The following NPHP4 variants were observed in gnomAD, a reference collection of about 807,000 sequenced individuals.
The protein encoded by NPHP4 is nephrocystin-4.
In NPHP4, 151 loss-of-function variants were observed where a neutral mutation model predicts 155.8. The observed-to-expected ratio is 0.97, with a 90% CI of 0.85 to 1.11. The LOEUF is 1.11. Ranked by LOEUF, NPHP4 falls within the 50% of genes least tolerant of loss-of-function variation. The pLI is 0.00. For missense variants in NPHP4, 1,956 were observed against 1,925.7 expected (o/e 1.02, Z -0.29); for synonymous variants, 845 against 816.8 (o/e 1.03, Z -0.59).
chr1:5,883,883 C>A (rs376826200), intron 18 of NPHP4, among the ~76,000 whole-genome samples: 1 of 146,420 alleles, frequency 6.8e-6, no homozygotes, highest in Non-Finnish European at 1.5e-5. Flanking sequence ...GGGCCTGGGG[C>A]AGGCGACCAG....
At chr1:5,914,459 C>A (rs1244110175) in intron 11 of NPHP4, among the ~76,000 whole-genome samples, 1 of 152,052 alleles carries the variant, frequency 6.6e-6, no homozygotes, top group Non-Finnish European at 1.5e-5. Context: ...ACTGACTACA[C>A]AAGGGAGTCC....
At chr1:5,916,542 G>T (rs563063871) in intron 11 of NPHP4, among the ~76,000 whole-genome samples, 2 of 152,290 alleles carry the variant, frequency 1.3e-5, no homozygotes, top group African/African-American at 4.8e-5. Flanking sequence ...ATGTAGATTT[G>T]CTGGTCCCCA....
intron 9 of NPHP4, among the ~76,000 whole-genome samples, chr1:5,945,968 T>C (rs879538505): frequency 1.3e-5 from 2 of 152,154 alleles, no homozygotes; most frequent in East Asian, 1.9e-4. Flanking sequence ...CACCCACCCA[T>C]TGCAGTTGAG....
chr1:5,913,222 G>A (rs12737657), intron 11 of NPHP4, among the ~76,000 whole-genome samples: 25,673 of 151,012 alleles, frequency 0.17, 2,249 homozygotes, highest in African/African-American at 0.21. Context: ...CGTGGCCAGC[G>A]GGGCCCTGAG....
At chr1:5,877,470 A>T (rs1642738331) in intron 19 of NPHP4, 172 bp from the exon 20 acceptor site, 1 of 466,798 alleles carries the variant, frequency 2.1e-6, no homozygotes, top group Admixed American at 3.8e-5. Flanking sequence ...AAAGATGATA[A>T]CTTTATACCC....
chr1:5,879,856 GAC>G (rs963847612), intron 19 of NPHP4, among the ~76,000 whole-genome samples: 16 of 136,560 alleles, frequency 1.2e-4, no homozygotes, highest in African/African-American at 3.8e-4. Context: ...CACGCACACA[GAC>G]ACGCACACAC....
rs1643389900 is a variant in NPHP4, at chr1:5,882,497, T to G, written c.2486-2258A>C. The G allele has an allele frequency of 6.5e-6, 1 of 153,068 alleles. No individual in the cohort carries two copies. Among genetic ancestry groups the G allele is most frequent in the African/African-American group, 2.4e-5 (1 of 41,592 alleles). 9.5% of individuals were successfully genotyped at this position (153,068 alleles called of 1,614,324 possible). On this transcript the variant is annotated intron_variant, in intron 18 of 29. Transcript: ENST00000378156. The surrounding 1 kb of genome is among the most constrained non-coding windows in gnomAD (Gnocchi z 5.1). ...TGACCTCGACGTCAGCACCATGCTG[T>G]GCAGCAGGACAGCCGTGCTGACTTC...
chr1:5,873,700 G>T, intron 22 of NPHP4: 1 of 349,712 alleles, frequency 2.9e-6, no homozygotes, highest in Non-Finnish European at 5.3e-6. Context: ...GACCCCAAAA[G>T]GTCAAAAGCT....
rs774583168 is a variant in NPHP4, at chr1:5,867,929, G to A, written c.3316-33C>T. On this transcript the variant is annotated intron_variant, in intron 23 of 29. Transcript: ENST00000378156. This position sits in a 1 kb window ranked among gnomAD's most constrained non-coding sequence, Gnocchi z 4.1. ...GAGGCCACGCTGAGTGTTGGGATGG[G>A]CACGAGGCTTGTGAGCAGCTTCTTG... The A allele has an allele frequency of 2.5e-6, 4 of 1,612,976 alleles. No homozygotes were observed. In the South Asian group the frequency reaches 4.4e-5, roughly 18 times the overall value.
Position 5,986,179 on chromosome 1 carries a change from C to G in NPHP4, c.111G>C (p.Trp37Cys). The change falls in exon 2 of 30, where the codon TGG becomes TGC. Residue 37 changes from tryptophan to cysteine, a missense_variant. Transcript: ENST00000378156. ...CCTGCCTAATTACCGGTCCGTCCAG[C>G]CACTTGAGGACACACTGGAATGCCG... ...ESTAFQCVLKWLDGPVIRQGV... is the reference protein window; with the variant it reads ...ESTAFQCVLKCLDGPVIRQGV... 6.2e-7 allele frequency: 1 copy of G among 1,613,878 alleles called. No homozygotes were observed. Among genetic ancestry groups the G allele is most frequent in the Non-Finnish European group, 8.5e-7 (1 of 1,179,856 alleles).
In NPHP4 at chr1:5,916,783, G is replaced by A. The variant is rs368764834; in HGVS notation, c.1442-7570C>T. On this transcript the variant is annotated intron_variant, in intron 11 of 29. Transcript: ENST00000378156. ...CCAGCATTCTGGGGCCAAGGTGGGC[G>A]GATCACCTGAGGTCAGGAGTTCAAG... Among the ~76,000 whole-genome samples, 174 of 152,284 alleles carry A rather than the reference G, an allele frequency of 1.1e-3. 7 individuals carry two copies. In the South Asian group the frequency reaches 0.028, roughly 25 times the overall value.
rs750032680 is a variant in NPHP4 at position 5,863,946 on chromosome 1, A to G, written c.4084T>C (p.Phe1362Leu). The part of the protein sequence containing the change: ...YTNPYPSRRT[F>L]HLHSDHPELL... ...TCCGGGTGGTCGCTGTGCAGGTGGA[A>G]TGTCCTCCGGGAGGGGTAGGGGTTG... The change falls in exon 29 of 30, where the codon TTC becomes CTC. Residue 1362 changes from phenylalanine to leucine, a missense_variant. Transcript: ENST00000378156. The G allele has an allele frequency of 6.2e-7, 1 of 1,613,884 alleles. No homozygotes were observed. Among genetic ancestry groups the G allele is most frequent in the South Asian group, 1.1e-5 (1 of 91,074 alleles).
At position 5,909,153 on chromosome 1, in the gene NPHP4, C is replaced by G; in HGVS notation, c.1502G>C (p.Gly501Ala). Residue 501 changes from glycine to alanine, a missense_variant and splice_region_variant, in exon 12 of 30, where the codon GGG becomes GCG. By Grantham distance (60) the Gly-to-Ala change is moderately conservative. Transcript: ENST00000378156. The part of the protein sequence containing the change: ...AAPQNSPVGP[G>A]LSISQLAASP... ...AGGCCGTGGGGGGCCTGGACTTACCCCTGGTCCCACAGGTGAGTTCTGCGG... is the reference window on the plus strand; with the variant it reads ...AGGCCGTGGGGGGCCTGGACTTACCGCTGGTCCCACAGGTGAGTTCTGCGG... 3.1e-6 allele frequency: 5 copies of G among 1,597,266 alleles called. No homozygotes were observed. Among genetic ancestry groups the G allele is most frequent in the Non-Finnish European group, 4.3e-6 (5 of 1,172,066 alleles).
At chr1:5,986,066 C>T (rs931280154) in intron 2 of NPHP4, 89 bp downstream of exon 2, 70 of 1,451,586 alleles carry the variant, frequency 4.8e-5, no homozygotes, top group Non-Finnish European at 6.2e-5. Flanking sequence ...ATCAAAGCAT[C>T]GTAAGCCAGG....
chr1:5,945,558 G>A (rs1463750648), intron 9 of NPHP4, among the ~76,000 whole-genome samples: 1 of 152,208 alleles, frequency 6.6e-6, no homozygotes, highest in Non-Finnish European at 1.5e-5. Context: ...GCCGCTACCA[G>A]AAGAGATTAG....
chr1:5,893,397 T>G (rs371926494), intron 16 of NPHP4, among the ~76,000 whole-genome samples: 3 of 152,110 alleles, frequency 2.0e-5, no homozygotes, highest in African/African-American at 7.2e-5. Context: ...CAATGATAGG[T>G]AAGGTCACGC....
In NPHP4 at chr1:5,892,734, G is replaced by A. The variant is rs138403111; in HGVS notation, c.2144-1706C>T. On this transcript the variant is annotated intron_variant, in intron 16 of 29. Transcript: ENST00000378156. The surrounding 1 kb of genome is among the most constrained non-coding windows in gnomAD (Gnocchi z 4.5). ...TCCAGCTGAGACAAGTGGCTCCTCC[G>A]TGGCCACCCCTGAGGTCCAAGCTCC... Among the ~76,000 whole-genome samples the A allele has an allele frequency of 5.6e-3, 847 of 152,084 alleles. 9 individuals carry two copies. The highest frequency in any genetic ancestry group is 0.018 in the African/African-American group (753 of 41,468).
chr1:5,903,485 T>C (rs1644770738), intron 16 of NPHP4, among the ~76,000 whole-genome samples: 1 of 152,082 alleles, frequency 6.6e-6, no homozygotes, highest in African/African-American at 2.4e-5. Flanking sequence ...CCCAGCTGGG[T>C]CCCTTATGAG....
rs368298952 is a variant in NPHP4, at chr1:5,877,196, C to G, written c.2714G>C (p.Ser905Thr). Residue 905 changes from serine to threonine, a missense_variant, in exon 20 of 30, where the codon AGC (serine) becomes ACC (threonine). Coordinates refer to ENST00000378156, the MANE Select transcript of NPHP4 (RefSeq NM_015102.5). The stretch of plus-strand genomic sequence containing the variant: ...CCTGCGGGTGGCATCCGACTCGCGG[C>G]TGACGTCCTGGGGCCCCTTGCCCTG... ...ARQGKGPQDV[S>T]RESDATRRRK... 1 of 1,605,134 alleles carries G rather than the reference C, an allele frequency of 6.2e-7. No individual in the cohort carries two copies.
Sources: gnomAD v4.1 joint callset for allele counts (sites outside exome capture counted in the v4.1 genomes callset) on GRCh38, gnomAD v4.1.1 for gene constraint, Gnocchi (gnomAD v3.1) non-coding constraint, MANE v1.5 for transcripts, NCBI Gene and HGNC (gene_info 2026-07-23, HGNC 2026-07-21) for gene names.